KRT73: variants seen among roughly 807,000 people sequenced by gnomAD.
KRT73 encodes keratin, type II cytoskeletal 73.
KRT73 carries 44 observed loss-of-function variants against 47.2 expected under a neutral mutation model. The observed-to-expected ratio is 0.93, with a 90% CI of 0.73 to 1.20. KRT73 has a LOEUF of 1.20. KRT73 is among the 50% of genes most tolerant of loss of function. The probability of loss-of-function intolerance (pLI) is 0.00; values close to 1 mark genes in which losing one functional copy is unlikely to be tolerated. For missense variants in KRT73, 713 were observed against 704.5 expected (o/e 1.01, Z -0.14); for synonymous variants, 285 against 291.3 (o/e 0.98, Z 0.22).
intron 3 of KRT73, 104 bp downstream of exon 3, chr12:52,615,175 T>C (rs1940790444): frequency 2.2e-6 from 2 of 928,872 alleles, no homozygotes; most frequent in Admixed American, 2.2e-5. Flanking sequence ...TTCAGCACTT[T>C]GGCTCCAGGC....
Position 52,613,663 on chromosome 12 carries a change from A to G in KRT73, c.984+25T>C, listed in dbSNP as rs779922271. 4.3e-6 allele frequency: 7 copies of G among 1,613,254 alleles called. No individual in the cohort carries two copies. The Admixed American group carries it at 1.2e-4, about 27-fold the overall frequency. ...TGGAGCAGAGGGCCCTGCATACTTC[A>G]CTATGGGGAGTTTTGCGGCCTCACC... On this transcript the variant is annotated intron_variant, in intron 5 of 8. Coordinates refer to ENST00000305748, the MANE Select transcript of KRT73 (RefSeq NM_175068.3).
At chr12:52,610,022 G>A (rs1325496278) in intron 7 of KRT73, 1 of 157,314 alleles carries the variant, frequency 6.4e-6, no homozygotes, top group African/African-American at 2.4e-5. Context: ...TATCAATAGG[G>A]GATATTTGTA....
chr12:52,622,289 T>A (rs679043), upstream of KRT73, among the ~76,000 whole-genome samples: 120,509 of 152,168 alleles, frequency 0.79, 48,639 homozygotes, highest in African/African-American at 0.95. Context: ...CAAAGAAATT[T>A]AAAAACCAGA....
At position 52,610,625 on chromosome 12, in the gene KRT73, C is replaced by T. The variant is rs1940678565; in HGVS notation, c.1321G>A (p.Glu441Lys). The change falls in exon 7 of 9, where the codon GAG becomes AAG. Residue 441 changes from glutamate (E) to lysine (K), a missense_variant. Coordinates refer to ENST00000305748, the MANE Select transcript of KRT73 (RefSeq NM_175068.3). ...CTCGGTCCCACCCACCTGCACTCCT[C>T]GCCCTCCAGCAGCTTGCGGTAGGTG... ...IATYRKLLEGEECRMSGEYTN... is the reference protein window; with the variant it reads ...IATYRKLLEGKECRMSGEYTN... The T allele has an allele frequency of 1.2e-6, 2 of 1,609,178 alleles. No homozygotes were observed. The highest frequency in any genetic ancestry group is 1.7e-5 in the Admixed American group (1 of 59,768).
In KRT73 at chr12:52,610,643, G is replaced by A. The variant is rs555553903; in HGVS notation, c.1303C>T (p.Arg435Cys). The change falls in exon 7 of 9, where the codon CGC (arginine) becomes TGC (cysteine). Residue 435 changes from arginine to cysteine, a missense_variant. Coordinates refer to ENST00000305748, the MANE Select transcript of KRT73 (RefSeq NM_175068.3). The part of the protein sequence containing the change: ...LSLDIEIATY[R>C]KLLEGEECRM... ...CACTCCTCGCCCTCCAGCAGCTTGC[G>A]GTAGGTGGCGATCTCAATATCCAGG... The A allele has an allele frequency of 8.1e-6, 13 of 1,600,240 alleles. No homozygotes were observed. The highest frequency in any genetic ancestry group is 1.7e-4 in the Middle Eastern group (1 of 5,978).
At position 52,608,089 on chromosome 12, in the gene KRT73, A is replaced by G; in HGVS notation, c.*107T>C. 1 of 1,254,922 alleles carries G rather than the reference A, an allele frequency of 8.0e-7. No homozygotes were observed. Among genetic ancestry groups the G allele is most frequent in the Non-Finnish European group, 1.1e-6 (1 of 902,704 alleles). 77.7% of individuals were successfully genotyped at this position (1,254,922 alleles called of 1,614,324 possible). A position where few individuals can be genotyped will look rare whatever the true frequency, so the allele number is the denominator to read the frequency against. On this transcript the variant is annotated 3_prime_UTR_variant, in exon 9 of 9. Coordinates refer to ENST00000305748, the MANE Select transcript of KRT73 (RefSeq NM_175068.3). The stretch of plus-strand genomic sequence containing the variant: ...AGGAGGAGAGGTCCACAGCAAAGCA[A>G]AGCAAGAAGGAGATGAGGACAAATG...
chr12:52,623,451 AGGC>A, upstream of KRT73, among the ~76,000 whole-genome samples: 1 of 152,234 alleles, frequency 6.6e-6, no homozygotes, highest in Non-Finnish European at 1.5e-5. Context: ...TGTTTCCAGC[AGGC>A]CTACCCTAAA....
At chr12:52,621,585 G>A (rs543471810), upstream of KRT73, among the ~76,000 whole-genome samples, 3 of 152,252 alleles carry the variant, frequency 2.0e-5, no homozygotes, top group East Asian at 3.9e-4. Context: ...GAAGAAGGCA[G>A]GAATCTGGAA....
the KRT73 span, among the ~76,000 whole-genome samples, chr12:52,629,054 G>C: frequency 1.3e-5 from 2 of 152,154 alleles, no homozygotes; most frequent in East Asian, 3.9e-4. Flanking sequence ...CTTGAGGTCT[G>C]GACCCTCCAG....
Position 52,614,599 on chromosome 12 carries a change from A to C in KRT73, c.799T>G (p.Phe267Val). 1 of 1,613,948 alleles carries C rather than the reference A, an allele frequency of 6.2e-7. No individual in the cohort carries two copies. Among genetic ancestry groups the C allele is most frequent in the South Asian group, 1.1e-5 (1 of 91,046 alleles). The change falls in exon 4 of 9, where the codon TTC becomes GTC. Residue 267 changes from phenylalanine to valine, a missense_variant. Phe to Val is a conservative substitution (Grantham distance 50). Coordinates refer to ENST00000305748, the MANE Select transcript of KRT73 (RefSeq NM_175068.3). ...CTTACCCCCTCGTACAGACACTTGA[A>C]GAACTTGATTTCTCCATCCAGGGCA... ...VDALDGEIKF[F>V]KCLYEGETAQ...
the KRT73 span, among the ~76,000 whole-genome samples, chr12:52,626,233 A>G: frequency 6.6e-6 from 1 of 152,258 alleles, no homozygotes; most frequent in East Asian, 1.9e-4. Context: ...TTCAGTTAAC[A>G]CACAGTTTAT....
intron 3 of KRT73, 88 bp downstream of exon 3, chr12:52,615,191 T>C: frequency 1.7e-6 from 2 of 1,171,660 alleles, no homozygotes; most frequent in Middle Eastern, 2.1e-4. Context: ...CAGGCCCTTC[T>C]GCGGGGGGCT....
intron 7 of KRT73, among the ~76,000 whole-genome samples, chr12:52,609,684 A>G (rs922210765): frequency 1.3e-5 from 2 of 152,264 alleles, no homozygotes; most frequent in Admixed American, 6.5e-5. Flanking sequence ...GGTCTCAGTT[A>G]TAAAATGGTG....
At chr12:52,624,234 C>G in the KRT73 span, among the ~76,000 whole-genome samples, 1 of 151,724 alleles carries the variant, frequency 6.6e-6, no homozygotes, top group Non-Finnish European at 1.5e-5. Context: ...TGTTTATACA[C>G]CAAACAAAAG....
the KRT73 span, among the ~76,000 whole-genome samples, chr12:52,626,979 CA>C: frequency 6.6e-6 from 1 of 152,218 alleles, no homozygotes; most frequent in African/African-American, 2.4e-5. Flanking sequence ...CATCTCTCTG[CA>C]AGCTCCACCA....
chr12:52,615,738 C>G (rs988796978), intron 2 of KRT73, among the ~76,000 whole-genome samples: 1 of 152,218 alleles, frequency 6.6e-6, no homozygotes, highest in Non-Finnish European at 1.5e-5. Flanking sequence ...AGAACTATCT[C>G]CCAGGGGAGA....
intron 6 of KRT73, 59 bp downstream of exon 6, chr12:52,611,145 G>A: frequency 1.3e-6 from 2 of 1,598,172 alleles, no homozygotes; most frequent in Admixed American, 1.7e-5. Context: ...GGGGCAGGGG[G>A]TGCTAAGCAG....
upstream of KRT73, among the ~76,000 whole-genome samples, chr12:52,621,798 A>G (rs1940911445): frequency 6.6e-6 from 1 of 152,190 alleles, no homozygotes; most frequent in Non-Finnish European, 1.5e-5. Context: ...ACCAGGCTAT[A>G]ATGAGGTGCC....
chr12:52,621,077 C>A (rs1299603681), upstream of KRT73, among the ~76,000 whole-genome samples: 1 of 152,164 alleles, frequency 6.6e-6, no homozygotes, highest in Non-Finnish European at 1.5e-5. Context: ...GTATCCCTAG[C>A]ACCTGTCATT....
Sources: gnomAD v4.1 joint callset for allele counts (sites outside exome capture counted in the v4.1 genomes callset) on GRCh38, gnomAD v4.1.1 for gene constraint, MANE v1.5 for transcripts, NCBI Gene and HGNC (gene_info 2026-07-23, HGNC 2026-07-21) for gene names.